The following TNFSF4 variants were observed in gnomAD, a reference collection of about 807,000 sequenced individuals.
The protein encoded by TNFSF4 is tumor necrosis factor ligand superfamily member 4.
In TNFSF4, 4 loss-of-function variants were observed where a neutral mutation model predicts 7.3. That is an observed-to-expected ratio of 0.55 (90% CI 0.27 to 1.25). TNFSF4 has a LOEUF of 1.25. Among genes scored for constraint, TNFSF4 ranks in the 50% most tolerant of loss-of-function variants. The pLI, the probability that TNFSF4 is intolerant of heterozygous loss-of-function variation, is 0.12. For missense variants in TNFSF4, 181 were observed against 208.8 expected (o/e 0.87, Z 0.82); for synonymous variants, 76 against 83.7 (o/e 0.91, Z 0.50).
At chr1:173,307,126 G>C in the TNFSF4 span, among the ~76,000 whole-genome samples, 3 of 151,750 alleles carry the variant, frequency 2.0e-5, no homozygotes, top group African/African-American at 4.8e-5. Context: ...TTTATAAAAT[G>C]CTTTATTTAT....
At chr1:173,357,293 T>G in the TNFSF4 span, among the ~76,000 whole-genome samples, 2 of 152,250 alleles carry the variant, frequency 1.3e-5, no homozygotes, top group Admixed American at 6.5e-5. Flanking sequence ...AGTGCCTATT[T>G]GGAAGATTAG....
the TNFSF4 span, among the ~76,000 whole-genome samples, chr1:173,246,410 A>G: frequency 6.6e-6 from 1 of 152,144 alleles, no homozygotes. Flanking sequence ...TACTGGGTAT[A>G]TACTCAAAGG....
At chr1:173,207,971 A>C (rs886841131), upstream of TNFSF4, among the ~76,000 whole-genome samples, 4 of 152,226 alleles carry the variant, frequency 2.6e-5, no homozygotes, top group African/African-American at 9.6e-5. Flanking sequence ...CATACCAGAA[A>C]AGAAGCAGAA....
At chr1:173,332,853 T>A in the TNFSF4 span, among the ~76,000 whole-genome samples, 14 of 152,088 alleles carry the variant, frequency 9.2e-5, no homozygotes, top group Admixed American at 6.5e-5. Flanking sequence ...CTCAAAAAAA[T>A]AAATAAATAC....
chr1:173,191,757 G>C (rs1649489254), intron 1 of TNFSF4, among the ~76,000 whole-genome samples: 1 of 152,164 alleles, frequency 6.6e-6, no homozygotes, highest in African/African-American at 2.4e-5. Flanking sequence ...CTTCGCTTTA[G>C]CCTTTATACA....
chr1:173,347,879 G>A, the TNFSF4 span, among the ~76,000 whole-genome samples: 16 of 152,242 alleles, frequency 1.1e-4, no homozygotes, highest in African/African-American at 3.1e-4. Context: ...CTCACTAGAC[G>A]CCAGTAGCTC....
chr1:173,320,947 T>G, the TNFSF4 span, among the ~76,000 whole-genome samples: 2 of 152,194 alleles, frequency 1.3e-5, no homozygotes, highest in Non-Finnish European at 2.9e-5. Flanking sequence ...AAGCTACCAG[T>G]GACTTTCTTC....
At chr1:173,373,816 G>T in the TNFSF4 span, among the ~76,000 whole-genome samples, 1 of 152,202 alleles carries the variant, frequency 6.6e-6, no homozygotes, top group Non-Finnish European at 1.5e-5. Context: ...GCCTGCCCCT[G>T]CAAGACAGAG....
At chr1:173,353,920 A>C in the TNFSF4 span, among the ~76,000 whole-genome samples, 1 of 152,138 alleles carries the variant, frequency 6.6e-6, no homozygotes, top group Non-Finnish European at 1.5e-5. Flanking sequence ...CATAATTCTA[A>C]AGAACTAGAA....
chr1:173,245,938 T>C, the TNFSF4 span, among the ~76,000 whole-genome samples: 5 of 152,380 alleles, frequency 3.3e-5, no homozygotes, highest in South Asian at 2.1e-4. Context: ...TGTTGCTGAA[T>C]AGTATTCCAT....
At position 173,184,041 on chromosome 1, in the gene TNFSF4, G is replaced by A. The variant is rs938284276; in HGVS notation, c.*2475C>T. 1 of 152,162 alleles carries A rather than the reference G, an allele frequency of 6.6e-6. No homozygotes were observed. Among genetic ancestry groups the A allele is most frequent in the Non-Finnish European group, 1.5e-5 (1 of 68,036 alleles). 9.4% of individuals were successfully genotyped at this position (152,162 alleles called of 1,614,324 possible). A position where few individuals can be genotyped will look rare whatever the true frequency, so the allele number is the denominator to read the frequency against. ...AAAAAAATACATTCAACATAGTAAA[G>A]GAGAAGGTTACACTCCTTGACTCAT... On this transcript the variant is annotated 3_prime_UTR_variant, in exon 3 of 3. Coordinates refer to ENST00000281834, the MANE Select transcript of TNFSF4 (RefSeq NM_003326.5).
the TNFSF4 span, among the ~76,000 whole-genome samples, chr1:173,383,929 A>G: frequency 6.6e-6 from 1 of 152,248 alleles, no homozygotes; most frequent in Non-Finnish European, 1.5e-5. Context: ...TAATAAATCA[A>G]CTGGCACACA....
At chr1:173,198,212 A>T (rs1261867805) in intron 1 of TNFSF4, among the ~76,000 whole-genome samples, 5 of 152,188 alleles carry the variant, frequency 3.3e-5, no homozygotes, top group African/African-American at 7.2e-5. Flanking sequence ...GGGACTAGGC[A>T]CACCTGAGTT....
intron 1 of TNFSF4, among the ~76,000 whole-genome samples, chr1:173,191,203 C>T (rs758594042): frequency 2.0e-5 from 3 of 152,128 alleles, no homozygotes; most frequent in Non-Finnish European, 2.9e-5. Flanking sequence ...GACGATGATG[C>T]TGACAGGCAG....
the TNFSF4 span, among the ~76,000 whole-genome samples, chr1:173,251,638 A>T: frequency 6.6e-6 from 1 of 152,172 alleles, no homozygotes; most frequent in Non-Finnish European, 1.5e-5. Context: ...ATTTAATCTA[A>T]GTGTTATTTT....
At chr1:173,177,638 CA>C in the TNFSF4 span, among the ~76,000 whole-genome samples, 1 of 152,066 alleles carries the variant, frequency 6.6e-6, no homozygotes, top group African/African-American at 2.4e-5. Context: ...ATTTTGTTAG[CA>C]ATTGCAGTTT....
chr1:173,262,529 G>A, the TNFSF4 span, among the ~76,000 whole-genome samples: 2 of 151,478 alleles, frequency 1.3e-5, no homozygotes, highest in South Asian at 4.2e-4. Context: ...AGGAAAAGAG[G>A]AAGTCAAATT....
At chr1:173,334,917 A>G in the TNFSF4 span, among the ~76,000 whole-genome samples, 1 of 152,128 alleles carries the variant, frequency 6.6e-6, no homozygotes, top group Non-Finnish European at 1.5e-5. Flanking sequence ...GTGTGACCCA[A>G]GAGGAGGTGG....
chr1:173,433,673 A>G, the TNFSF4 span, among the ~76,000 whole-genome samples: 1 of 152,322 alleles, frequency 6.6e-6, no homozygotes, highest in South Asian at 2.1e-4. Context: ...TCTGCACCCC[A>G]GCCTGGGCAA....
Sources: gnomAD v4.1 joint callset for allele counts (sites outside exome capture counted in the v4.1 genomes callset) on GRCh38, gnomAD v4.1.1 for gene constraint, MANE v1.5 for transcripts, NCBI Gene and HGNC (gene_info 2026-07-23, HGNC 2026-07-21) for gene names.